Variants in PTPN2 observed in about 807,000 individuals in gnomAD.
The protein encoded by PTPN2 is tyrosine-protein phosphatase non-receptor type 2.
In PTPN2, 19 loss-of-function variants were observed where a neutral mutation model predicts 57.3. That is an observed-to-expected ratio of 0.33 (90% confidence interval 0.23 to 0.49). PTPN2 has a LOEUF of 0.49. Ranked by LOEUF, PTPN2 falls within the 20% of genes least tolerant of loss-of-function variation. The pLI is 0.99. For missense variants in PTPN2, 358 were observed against 501.1 expected (o/e 0.71, Z 2.73); for synonymous variants, 153 against 164.9 (o/e 0.93, Z 0.55).
chr18:12,883,309 G>A (rs55982017), intron 1 of PTPN2, among the ~76,000 whole-genome samples: 30,014 of 152,198 alleles, frequency 0.2, 3,697 homozygotes, highest in East Asian at 0.5. Context: ...ACGAACACAA[G>A]CAAAGCCTCT....
rs893897054 is a variant in PTPN2 at position 12,793,006 on chromosome 18, C to G, written c.*1272G>C. 6 of 984,976 alleles carry G rather than the reference C, an allele frequency of 6.1e-6. No homozygotes were observed. Among genetic ancestry groups the G allele is most frequent in the Non-Finnish European group, 7.2e-6 (6 of 829,652 alleles). The allele number at this position is 984,976 out of a possible 1,614,324, so 61.0% of individuals were successfully genotyped here. On this transcript the variant is annotated 3_prime_UTR_variant, in exon 9 of 9. Transcript: ENST00000309660. ...GCTGTGGTTGAAAGTAACCTCTTGA[C>G]CCACCTGGACATCCAATGAGCATAG...
rs533502267 is a variant in PTPN2 at position 12,874,697 on chromosome 18, C to G, written c.69+9376G>C. On this transcript the variant is annotated intron_variant, in intron 1 of 8. Coordinates refer to ENST00000309660, the MANE Select transcript of PTPN2 (RefSeq NM_002828.4). ...GGGAGGGAGGTGGGGGGGTCAACCC[C>G]TCGCCCGGCCAGCCGCCCCACCCGG... Among the ~76,000 whole-genome samples the G allele has an allele frequency of 1.0e-2, 1,503 of 150,410 alleles. 16 individuals are homozygous for G. Among genetic ancestry groups the G allele is most frequent in the Non-Finnish European group, 0.018 (1,213 of 67,310 alleles).
At chr18:12,821,976 C>T (rs1422098993) in intron 5 of PTPN2, among the ~76,000 whole-genome samples, 2 of 152,032 alleles carry the variant, frequency 1.3e-5, no homozygotes, top group Non-Finnish European at 2.9e-5. Context: ...CCAACCCCTT[C>T]GAAGTTAAAA....
At chr18:12,823,399 C>A (rs963710877) in intron 5 of PTPN2, among the ~76,000 whole-genome samples, 40 of 152,098 alleles carry the variant, frequency 2.6e-4, no homozygotes, top group Non-Finnish European at 4.9e-4. Context: ...GATGGCCGGG[C>A]GTGTTGGCTC....
At chr18:12,856,961 G>C (rs2043609348) in intron 2 of PTPN2, among the ~76,000 whole-genome samples, 1 of 150,996 alleles carries the variant, frequency 6.6e-6, no homozygotes, top group Admixed American at 6.6e-5. Flanking sequence ...TTGGGAGGCT[G>C]AGGCAGGAGA....
chr18:12,811,929 C>T (rs1267803916), intron 7 of PTPN2, among the ~76,000 whole-genome samples: 8 of 152,188 alleles, frequency 5.3e-5, no homozygotes, highest in Admixed American at 5.2e-4. Context: ...CCTAGCTCTA[C>T]CCATTTCTCT....
intron 6 of PTPN2, among the ~76,000 whole-genome samples, chr18:12,816,364 T>C (rs144547045): frequency 2.1e-4 from 32 of 152,280 alleles, no homozygotes; most frequent in Non-Finnish European, 2.9e-4. Context: ...GCTTAGGTTA[T>C]TGATAATCTT....
intron 6 of PTPN2, among the ~76,000 whole-genome samples, chr18:12,815,011 G>C (rs1468809608): frequency 2.0e-5 from 3 of 151,912 alleles, no homozygotes; most frequent in African/African-American, 4.8e-5. Flanking sequence ...CTGAACCCAG[G>C]AGGCGGCGGT....
intron 2 of PTPN2, among the ~76,000 whole-genome samples, chr18:12,840,073 G>C (rs754977274): frequency 2.6e-5 from 4 of 152,110 alleles, no homozygotes; most frequent in Non-Finnish European, 4.4e-5. Flanking sequence ...AATTCATCCT[G>C]AACAGGTTAA....
At chr18:12,801,883 C>T in intron 8 of PTPN2, 87 bp downstream of exon 8, 1 of 1,245,588 alleles carries the variant, frequency 8.0e-7, no homozygotes, top group Non-Finnish European at 1.1e-6. Context: ...AATTACATAC[C>T]TGAAATCCTA....
chr18:12,827,425 G>A (rs1401478886), intron 4 of PTPN2, among the ~76,000 whole-genome samples: 8 of 149,866 alleles, frequency 5.3e-5, no homozygotes, highest in Non-Finnish European at 8.9e-5. Flanking sequence ...ACAGTGTCTT[G>A]CTCTGTAGTA....
chr18:12,876,912 G>A (rs568584172), intron 1 of PTPN2, among the ~76,000 whole-genome samples: 3 of 152,282 alleles, frequency 2.0e-5, no homozygotes, highest in Non-Finnish European at 2.9e-5. Flanking sequence ...AAATTAAGAC[G>A]ATTCCCTCTG....
chr18:12,797,912 A>G (rs868778540), intron 8 of PTPN2, among the ~76,000 whole-genome samples: 51 of 152,024 alleles, frequency 3.4e-4, no homozygotes, highest in African/African-American at 1.2e-3. Context: ...TTTTTTGTAG[A>G]GACAGGGTTT....
chr18:12,817,119 T>A (rs750285627), intron 6 of PTPN2, 37 bp downstream of exon 6: 15 of 1,533,192 alleles, frequency 9.8e-6, no homozygotes, highest in Non-Finnish European at 1.3e-5. Flanking sequence ...AAAAAAAAAA[T>A]CAATGAGATT....
intron 5 of PTPN2, among the ~76,000 whole-genome samples, chr18:12,817,907 G>A (rs140779371): frequency 0.014 from 2,061 of 152,298 alleles, 52 homozygotes; most frequent in African/African-American, 0.047. Flanking sequence ...TTGGGAGGCC[G>A]AGGTGGGCAG....
intron 3 of PTPN2, 131 bp downstream of exon 3, chr18:12,836,660 C>A (rs1285356735): frequency 5.0e-6 from 3 of 605,518 alleles, no homozygotes; most frequent in Non-Finnish European, 5.7e-6. Context: ...TAATTCATTA[C>A]ATCGTCAGAA....
intron 1 of PTPN2, among the ~76,000 whole-genome samples, chr18:12,868,259 TTTGAGA>T (rs2044061637): frequency 6.6e-6 from 1 of 151,588 alleles, no homozygotes; most frequent in Admixed American, 6.6e-5. Context: ...TTTGTTTTTT[TTTGAGA>T]TTGAGTCTCA....
At chr18:12,785,678 A>G (rs560766190) in exon 10 of PTPN2, 1 of 733,366 alleles carries the variant, frequency 1.4e-6, no homozygotes, top group Non-Finnish European at 2.4e-6. Flanking sequence ...CCCTGGATGT[A>G]AAGTTTACTT....
rs560334348 is a variant in PTPN2 at position 12,814,922 on chromosome 18, A to G, written c.706-567T>C. Among the ~76,000 whole-genome samples the G allele has an allele frequency of 5.3e-5, 8 of 151,934 alleles. No homozygotes were observed. In the South Asian group the frequency reaches 1.2e-3, roughly 24 times the overall value. ...AACATCGCGAAATGCCATCTCTACT[A>G]AAAATACAAAAATTAGCTGGGTGTG... On this transcript the variant is annotated intron_variant, in intron 6 of 8. Transcript: ENST00000309660.
Sources: gnomAD v4.1 joint callset for allele counts (sites outside exome capture counted in the v4.1 genomes callset) on GRCh38, gnomAD v4.1.1 for gene constraint, MANE v1.5 for transcripts, NCBI Gene and HGNC (gene_info 2026-07-23, HGNC 2026-07-21) for gene names.